DOCK4: variants seen among roughly 807,000 people sequenced by gnomAD.
DOCK4 encodes dedicator of cytokinesis protein 4.
In DOCK4, 97 loss-of-function variants were observed where a neutral mutation model predicts 268.1. The observed-to-expected ratio is 0.36, with a 90% CI of 0.31 to 0.43. The LOEUF is 0.43. DOCK4 is among the 20% of genes least tolerant of loss of function. The pLI, the probability that DOCK4 is intolerant of heterozygous loss-of-function variation, is 1.00. For missense variants in DOCK4, 2,145 were observed against 2,455.7 expected, an observed-to-expected ratio of 0.87 and a Z score of 2.67; for synonymous variants, 954 against 887.2, an observed-to-expected ratio of 1.08 and a Z score of -1.34.
chr7:112,032,783 TA>T (rs1803393618), intron 1 of DOCK4, among the ~76,000 whole-genome samples: 1 of 152,042 alleles, frequency 6.6e-6, no homozygotes, highest in African/African-American at 2.4e-5. Flanking sequence ...GAGGTGAAAA[TA>T]AATGTACTAC....
intron 13 of DOCK4, among the ~76,000 whole-genome samples, chr7:111,911,936 C>T (rs1792140141): frequency 6.6e-6 from 1 of 152,126 alleles, no homozygotes; most frequent in African/African-American, 2.4e-5. Flanking sequence ...GTTGCAAGGG[C>T]CACAGAATAG....
At chr7:112,193,170 C>T (rs117057665) in intron 1 of DOCK4, among the ~76,000 whole-genome samples, 8 of 152,280 alleles carry the variant, frequency 5.3e-5, no homozygotes, top group Non-Finnish European at 1.2e-4. Context: ...CATCTGAAGA[C>T]TCTACCTCTT....
chr7:111,788,771 C>A (rs1435964706), intron 31 of DOCK4, 24 bp from the exon 32 acceptor site: 1 of 1,543,222 alleles, frequency 6.5e-7, no homozygotes, highest in Non-Finnish European at 8.8e-7. Flanking sequence ...AACTATTATT[C>A]TCTTTCCTCC....
At chr7:111,894,731 G>C (rs1808594958) in intron 16 of DOCK4, among the ~76,000 whole-genome samples, 1 of 152,224 alleles carries the variant, frequency 6.6e-6, no homozygotes, top group Admixed American at 6.5e-5. Context: ...GAGGCCGGAA[G>C]TGGTGAGGAG....
At chr7:111,779,123 G>A (rs1416450890) in intron 35 of DOCK4, among the ~76,000 whole-genome samples, 1 of 151,742 alleles carries the variant, frequency 6.6e-6, no homozygotes, top group East Asian at 1.9e-4. Flanking sequence ...TACAGGTAAG[G>A]ATGAGTAAAA....
At chr7:112,042,891 T>C (rs968391822) in intron 1 of DOCK4, among the ~76,000 whole-genome samples, 16 of 152,172 alleles carry the variant, frequency 1.1e-4, no homozygotes, top group Non-Finnish European at 1.8e-4. Flanking sequence ...AGTAAGTTAG[T>C]TACCATGAAA....
At chr7:112,015,670 G>A (rs1314107441) in intron 1 of DOCK4, among the ~76,000 whole-genome samples, 1 of 152,102 alleles carries the variant, frequency 6.6e-6, no homozygotes, top group Non-Finnish European at 1.5e-5. Context: ...AATAAATATA[G>A]TACATTTACC....
intron 8 of DOCK4, among the ~76,000 whole-genome samples, chr7:111,963,015 T>C (rs1288092242): frequency 6.6e-6 from 1 of 152,180 alleles, no homozygotes; most frequent in Non-Finnish European, 1.5e-5. Context: ...TCAGGTCATA[T>C]GAAATATATT....
At chr7:112,202,493 T>C (rs1403798318) in intron 1 of DOCK4, among the ~76,000 whole-genome samples, 1 of 147,476 alleles carries the variant, frequency 6.8e-6, no homozygotes, top group African/African-American at 2.5e-5. Flanking sequence ...ACAAAAATGG[T>C]AATTATATGA....
intron 1 of DOCK4, among the ~76,000 whole-genome samples, chr7:112,039,794 G>A (rs1162790888): frequency 6.6e-6 from 1 of 152,024 alleles, no homozygotes; most frequent in East Asian, 1.9e-4. Context: ...TATTTCCCAT[G>A]TTAATAACTG....
At chr7:112,041,682 T>C (rs1464684136) in intron 1 of DOCK4, among the ~76,000 whole-genome samples, 3 of 152,210 alleles carry the variant, frequency 2.0e-5, no homozygotes, top group Non-Finnish European at 2.9e-5. Context: ...AGTAAGTGGT[T>C]CCTGTTCTGT....
intron 1 of DOCK4, among the ~76,000 whole-genome samples, chr7:112,112,951 T>C (rs186724222): frequency 7.9e-5 from 12 of 152,334 alleles, no homozygotes; most frequent in African/African-American, 2.6e-4. Context: ...CAGGCTGTTG[T>C]TGTGAAACAG....
intron 8 of DOCK4, chr7:111,971,704 G>A: frequency 3.2e-6 from 1 of 311,738 alleles, no homozygotes; most frequent in Admixed American, 4.9e-5. Context: ...TCTCTGGTCT[G>A]TACTTGTGGG....
At chr7:111,807,081 T>C (rs1180418567) in intron 30 of DOCK4, among the ~76,000 whole-genome samples, 1 of 152,172 alleles carries the variant, frequency 6.6e-6, no homozygotes, top group East Asian at 1.9e-4. Flanking sequence ...TATGTGGAAA[T>C]AACCATAGAT....
intron 8 of DOCK4, among the ~76,000 whole-genome samples, chr7:111,948,135 C>T (rs927103509): frequency 3.9e-5 from 6 of 152,130 alleles, no homozygotes; most frequent in African/African-American, 1.4e-4. Context: ...GGGAATTTAC[C>T]ATTTGACAGG....
intron 38 of DOCK4, among the ~76,000 whole-genome samples, chr7:111,766,133 A>T (rs1404437521): frequency 6.6e-6 from 1 of 152,212 alleles, no homozygotes; most frequent in Admixed American, 6.5e-5. Flanking sequence ...GATGGACTGA[A>T]GTTAAAACAA....
At chr7:111,923,953 C>T (rs1039122168) in intron 12 of DOCK4, among the ~76,000 whole-genome samples, 1 of 152,156 alleles carries the variant, frequency 6.6e-6, no homozygotes, top group Admixed American at 6.5e-5. Flanking sequence ...GTTCTATTTA[C>T]TTCTCTTTAA....
intron 1 of DOCK4, among the ~76,000 whole-genome samples, chr7:112,165,716 G>A (rs1358872733): frequency 6.6e-6 from 1 of 151,522 alleles, no homozygotes; most frequent in Non-Finnish European, 1.5e-5. Flanking sequence ...GTAATGTAAG[G>A]GGAAAAAAAT....
chr7:111,989,245 C>T (rs898645216), intron 5 of DOCK4, 82 bp from the exon 6 acceptor site: 3 of 1,557,174 alleles, frequency 1.9e-6, no homozygotes, highest in Middle Eastern at 3.5e-4. Flanking sequence ...AGGGAAGAGG[C>T]CCATTCTGGT....
Sources: gnomAD v4.1 joint callset for allele counts (sites outside exome capture counted in the v4.1 genomes callset) on GRCh38, gnomAD v4.1.1 for gene constraint, MANE v1.5 for transcripts, NCBI Gene and HGNC (gene_info 2026-07-23, HGNC 2026-07-21) for gene names.